TPD52L2: variants seen among roughly 807,000 people sequenced by gnomAD.
TPD52L2 encodes the protein tumor protein D54.
TPD52L2 carries 19 observed loss-of-function variants against 24.7 expected under a neutral mutation model. That is an observed-to-expected ratio of 0.77 (90% CI 0.54 to 1.13). The LOEUF (loss-of-function observed/expected upper bound fraction) is 1.13, where lower values mean the gene tolerates loss of function less well. TPD52L2 is among the 50% of genes most tolerant of loss of function. The probability of loss-of-function intolerance (pLI) is 0.00; values close to 1 mark genes in which losing one functional copy is unlikely to be tolerated. For missense variants in TPD52L2, 236 were observed against 250.4 expected, an observed-to-expected ratio of 0.94 and a Z score of 0.39; for synonymous variants, 104 against 100.2, an observed-to-expected ratio of 1.04 and a Z score of -0.23.
Position 63,873,815 on chromosome 20 carries a change from G to A in TPD52L2, c.313G>A (p.Ala105Thr), listed in dbSNP as rs762733729. 17 of 1,537,394 alleles carry A rather than the reference G, an allele frequency of 1.1e-5. No homozygotes were observed. Among genetic ancestry groups the A allele is most frequent in the African/African-American group, 1.4e-5 (1 of 71,386 alleles). ...CTGGCATGACGTGCAGGTCTCTAGC[G>A]CGTAGGTACCTGCCCCAGGCGCACC... ...RSWHDVQVSS[A>T]YVKTSEKLGE... Residue 105 changes from alanine to threonine, a missense_variant and splice_region_variant, in exon 3 of 7, where the codon GCC (alanine) becomes ACC (threonine). By Grantham distance (58) the Ala-to-Thr change is moderately conservative. Coordinates refer to ENST00000346249, the MANE Select transcript of TPD52L2 (RefSeq NM_003288.4).
At chr20:63,885,028 G>A (rs979865029) in intron 5 of TPD52L2, among the ~76,000 whole-genome samples, 5 of 152,204 alleles carry the variant, frequency 3.3e-5, no homozygotes, top group Admixed American at 2.0e-4. Context: ...CATTCACCTC[G>A]AGTTAGAGAC....
intron 1 of TPD52L2, among the ~76,000 whole-genome samples, chr20:63,866,239 G>A (rs958539054): frequency 6.6e-6 from 1 of 151,858 alleles, no homozygotes; most frequent in Non-Finnish European, 1.5e-5. Flanking sequence ...TGAGTAGCTG[G>A]GACTACAGGC....
chr20:63,886,351 C>G (rs1480675904), intron 5 of TPD52L2, among the ~76,000 whole-genome samples: 1 of 151,838 alleles, frequency 6.6e-6, no homozygotes, highest in East Asian at 1.9e-4. Flanking sequence ...CCTGAGTTTA[C>G]TCCTGAAAAG....
At chr20:63,875,142 A>G (rs909533130) in intron 3 of TPD52L2, among the ~76,000 whole-genome samples, 1 of 139,980 alleles carries the variant, frequency 7.1e-6, no homozygotes, top group African/African-American at 2.8e-5. Context: ...ACTCTGTCTC[A>G]AAAAAAAAAA....
At position 63,869,366 on chromosome 20, in the gene TPD52L2, T is replaced by C; in HGVS notation, c.90T>C (p.Gly30=). ...TGACGGATGTTCCTGTCGACACAGG[T>C]GTGGCTGCCCGGACTCCTGCTGTTG... ...DSMTDVPVDT[G]VAARTPAVEG... Residue 30 remains glycine (G), a synonymous_variant, in exon 2 of 7, where the codon GGT becomes GGC. Coordinates refer to ENST00000346249, the MANE Select transcript of TPD52L2 (RefSeq NM_003288.4). 1 of 1,614,204 alleles carries C rather than the reference T, an allele frequency of 6.2e-7. No homozygotes were observed.
intron 3 of TPD52L2, among the ~76,000 whole-genome samples, chr20:63,874,218 ATTT>A (rs532097736): frequency 4.5e-5 from 6 of 133,550 alleles, no homozygotes; most frequent in African/African-American, 1.7e-4. Flanking sequence ...CGCCCGGCTG[ATTT>A]TTTTTTTTGT....
At chr20:63,874,441 A>G (rs938705679) in intron 3 of TPD52L2, among the ~76,000 whole-genome samples, 1 of 150,256 alleles carries the variant, frequency 6.7e-6, no homozygotes, top group Non-Finnish European at 1.5e-5. Context: ...TGGCGCAATC[A>G]TGATTCACTG....
At chr20:63,871,187 C>T (rs1275098074) in intron 2 of TPD52L2, among the ~76,000 whole-genome samples, 4 of 151,004 alleles carry the variant, frequency 2.6e-5, no homozygotes, top group African/African-American at 2.4e-5. Context: ...GGATTACAGA[C>T]GCCTGCCACC....
chr20:63,887,657 G>A, intron 5 of TPD52L2: 2 of 1,584,020 alleles, frequency 1.3e-6, no homozygotes, highest in East Asian at 2.2e-5. Context: ...TCTGGTGGGG[G>A]TTGGGGCAGC....
Position 63,889,964 on chromosome 20 carries a change from C to A in TPD52L2, c.*19C>A, listed in dbSNP as rs553587096. On this transcript the variant is annotated 3_prime_UTR_variant, in exon 7 of 7. Coordinates refer to ENST00000346249, the MANE Select transcript of TPD52L2 (RefSeq NM_003288.4). ...TTTCTAAGCCTGTGGTTGCTTCACC[C>A]GCTGCAGAGCACACGCAACCCAGCC... 7 of 1,613,682 alleles carry A rather than the reference C, an allele frequency of 4.3e-6. No homozygotes were observed. Among genetic ancestry groups the A allele is most frequent in the Non-Finnish European group, 5.9e-6 (7 of 1,180,008 alleles).
chr20:63,874,204 A>T (rs1316910862), intron 3 of TPD52L2, among the ~76,000 whole-genome samples: 1 of 145,670 alleles, frequency 6.9e-6, no homozygotes, highest in Non-Finnish European at 1.5e-5. Flanking sequence ...GGCGCCTCCC[A>T]CCGCGCCCGG....
intron 5 of TPD52L2, among the ~76,000 whole-genome samples, chr20:63,883,722 C>T (rs190186096): frequency 2.0e-5 from 3 of 152,206 alleles, no homozygotes; most frequent in East Asian, 1.9e-4. Context: ...CCTAAAGGAC[C>T]GGTGTGTGGA....
intron 2 of TPD52L2, 44 bp from the exon 3 acceptor site, chr20:63,873,624 C>T (rs894205079): frequency 6.2e-7 from 1 of 1,600,794 alleles, no homozygotes. Flanking sequence ...TTAGTCACTT[C>T]CTGCAGTAGT....
intron 2 of TPD52L2, among the ~76,000 whole-genome samples, chr20:63,873,315 C>G (rs1432025928): frequency 1.3e-5 from 2 of 151,432 alleles, no homozygotes; most frequent in Admixed American, 1.3e-4. Context: ...CATGGTGAAA[C>G]CCCATCTCTA....
At chr20:63,886,412 G>C (rs1490359871) in intron 5 of TPD52L2, among the ~76,000 whole-genome samples, 2 of 151,782 alleles carry the variant, frequency 1.3e-5, no homozygotes, top group East Asian at 1.9e-4. Context: ...CCAGGTTGGA[G>C]TGCCGTGGCG....
At chr20:63,888,282 T>G (rs1341238018) in intron 5 of TPD52L2, 2 of 153,408 alleles carry the variant, frequency 1.3e-5, no homozygotes, top group African/African-American at 4.8e-5. Context: ...TCCTCTTGTC[T>G]CCTTATCACT....
intron 6 of TPD52L2, 92 bp from the exon 7 acceptor site, chr20:63,889,758 C>A: frequency 7.9e-7 from 1 of 1,267,426 alleles, no homozygotes; most frequent in Non-Finnish European, 1.1e-6. Context: ...GTTACATAAG[C>A]TTTTGTAGAG....
rs180736027 is a variant in TPD52L2 at position 63,886,523 on chromosome 20, G to T, written c.477-2667G>T. Among the ~76,000 whole-genome samples, 60 of 152,154 alleles carry T rather than the reference G, an allele frequency of 3.9e-4. 1 individual carries two copies. The highest frequency in any genetic ancestry group is 2.5e-4 in the Non-Finnish European group (17 of 67,964). On this transcript the variant is annotated intron_variant, in intron 5 of 6. Transcript: ENST00000346249. ...ACTACAGGCGCCCGCCGCCACGCCC[G>T]GCTAATTTTTTGTATTTTTAGTAGA...
At chr20:63,872,566 C>T (rs368834839) in intron 2 of TPD52L2, among the ~76,000 whole-genome samples, 4 of 150,678 alleles carry the variant, frequency 2.7e-5, no homozygotes, top group Non-Finnish European at 4.4e-5. Flanking sequence ...TTAGTAGAGA[C>T]GGGGTTTTGT....
Sources: gnomAD v4.1 joint callset for allele counts (sites outside exome capture counted in the v4.1 genomes callset) on GRCh38, gnomAD v4.1.1 for gene constraint, MANE v1.5 for transcripts, NCBI Gene and HGNC (gene_info 2026-07-23, HGNC 2026-07-21) for gene names.